The following ZNF75D variants were observed in gnomAD, a reference collection of about 807,000 sequenced individuals.
ZNF75D encodes zinc finger protein 75D.
In ZNF75D, 33 loss-of-function variants were observed where a neutral mutation model predicts 33.3. The ratio of observed to expected loss-of-function variants is 0.99; its 90% CI spans 0.75 to 1.32. The LOEUF is 1.32. Ranked by LOEUF, ZNF75D falls within the 40% of genes most tolerant of loss-of-function variation. The pLI, the probability that ZNF75D is intolerant of heterozygous loss-of-function variation, is 0.00. For synonymous variants in ZNF75D, 113 were observed against 130.6 expected (o/e 0.87, Z 0.92); for missense variants, 338 against 367.5 (o/e 0.92, Z 0.66).
intron 1 of ZNF75D, among the ~76,000 whole-genome samples, chrX:135,327,353 G>A (rs1556438428): frequency 8.9e-6 from 1 of 112,617 alleles, no homozygotes; most frequent in East Asian, 2.8e-4. Context: ...GTCTGGGAGA[G>A]AGGGTTAAGA....
intron 1 of ZNF75D, among the ~76,000 whole-genome samples, chrX:135,304,386 T>C (rs1556425363): frequency 1.8e-5 from 2 of 111,719 alleles, no homozygotes; most frequent in Non-Finnish European, 3.8e-5. Context: ...ATGGGAGACC[T>C]GGAGAGGAGG....
intron 1 of ZNF75D, among the ~76,000 whole-genome samples, chrX:135,324,699 A>G (rs1355626042): frequency 8.9e-6 from 1 of 112,518 alleles, no homozygotes; most frequent in East Asian, 2.8e-4. Flanking sequence ...GAGCACCATT[A>G]GTATCACCGG....
At chrX:135,279,230 T>C (rs2083910999) in intron 1 of ZNF75D, among the ~76,000 whole-genome samples, 1 of 111,418 alleles carries the variant, frequency 9.0e-6, no homozygotes, top group Non-Finnish European at 1.9e-5. Flanking sequence ...GGTGTATGTG[T>C]CCAGCAATTT....
chrX:135,306,084 C>A (rs1445433287), intron 1 of ZNF75D, among the ~76,000 whole-genome samples: 1 of 111,135 alleles, frequency 9.0e-6, no homozygotes, highest in Non-Finnish European at 1.9e-5. Flanking sequence ...AGATTCGCAT[C>A]ATTTCTGTGA....
In ZNF75D at chrX:135,292,492, C is replaced by G; in HGVS notation, c.412-19G>C. The stretch of plus-strand genomic sequence containing the variant: ...CTGTGACCTAGAAATAATCCCCATC[C>G]TCATTAGCACAGAACTTACTTTTGG... On this transcript the variant is annotated intron_variant, in intron 3 of 6. Coordinates refer to ENST00000370766, the MANE Select transcript of ZNF75D (RefSeq NM_007131.5). The G allele has an allele frequency of 8.3e-7, 1 of 1,200,245 alleles. No homozygotes were observed. The highest frequency in any genetic ancestry group is 1.1e-6 in the Non-Finnish European group (1 of 888,303).
At chrX:135,264,389 A>G (rs1191418231) in intron 1 of ZNF75D, among the ~76,000 whole-genome samples, 2 of 111,615 alleles carry the variant, frequency 1.8e-5, no homozygotes, top group Non-Finnish European at 3.8e-5. Flanking sequence ...ACAGAGCCAA[A>G]CCATAATAAA....
intron 1 of ZNF75D, chrX:135,330,616 G>A (rs1451658306): frequency 1.8e-5 from 2 of 112,357 alleles, no homozygotes; most frequent in East Asian, 5.5e-4. Flanking sequence ...GCAATGCCAG[G>A]GTGGAGCTGG....
At chrX:135,337,970 G>T (rs2084736049) in intron 1 of ZNF75D, among the ~76,000 whole-genome samples, 1 of 110,510 alleles carries the variant, frequency 9.0e-6, no homozygotes, top group African/African-American at 3.3e-5. Flanking sequence ...AGGATTTTGG[G>T]GGTTGAGAAG....
chrX:135,318,486 T>C (rs1366052463), intron 1 of ZNF75D, among the ~76,000 whole-genome samples: 2 of 111,642 alleles, frequency 1.8e-5, no homozygotes, highest in East Asian at 2.8e-4. Context: ...AGAACAAGTT[T>C]GGTGTATTTC....
intron 1 of ZNF75D, among the ~76,000 whole-genome samples, chrX:135,311,534 A>G (rs1459330881): frequency 9.0e-6 from 1 of 111,310 alleles, no homozygotes; most frequent in African/African-American, 3.4e-5. Flanking sequence ...TATGCTTATC[A>G]TTTTTTTGTG....
intron 1 of ZNF75D, among the ~76,000 whole-genome samples, chrX:135,256,482 A>C (rs1203637090): frequency 8.9e-6 from 1 of 112,052 alleles, no homozygotes; most frequent in East Asian, 2.8e-4. Context: ...CCATCAGTTG[A>C]AACTTGAGCT....
At position 135,293,989 on chromosome X, in the gene ZNF75D, T is replaced by G. The variant is rs2084086917; in HGVS notation, c.152A>C (p.His51Pro). ...ENLGPESACRHFWSFRYHEAT... is the reference protein window; with the variant it reads ...ENLGPESACRPFWSFRYHEAT... Reference sequence around the variant, plus strand: ...TTCATGATAACGGAAGCTCCAGAAGTGCCTGCAAGCGCTCTCAGGACCAAG... The same window carrying G: ...TTCATGATAACGGAAGCTCCAGAAGGGCCTGCAAGCGCTCTCAGGACCAAG... The change falls in exon 3 of 7, where the codon CAC becomes CCC. Residue 51 changes from histidine to proline, a missense_variant. Around this residue, in one of 3 missense-constraint regions of ZNF75D, gnomAD observed 254 missense variants for 267.7 expected, o/e 0.95. Transcript: ENST00000370766. The G allele has an allele frequency of 8.2e-7, 1 of 1,212,173 alleles. No individual in the cohort carries two copies. The highest frequency in any genetic ancestry group is 1.1e-6 in the Non-Finnish European group (1 of 895,570).
intron 6 of ZNF75D, 140 bp from the exon 7 acceptor site, chrX:135,287,986 T>C: frequency 2.0e-6 from 1 of 499,675 alleles, no homozygotes; most frequent in Non-Finnish European, 3.2e-6. Context: ...CAAAATGGCA[T>C]AGACCCATTT....
intron 1 of ZNF75D, among the ~76,000 whole-genome samples, chrX:135,339,945 GCAC>G: frequency 8.9e-6 from 1 of 112,541 alleles, no homozygotes; most frequent in East Asian, 2.8e-4. Flanking sequence ...ACAACTTTGG[GCAC>G]CACAGTACTT....
intron 1 of ZNF75D, among the ~76,000 whole-genome samples, chrX:135,307,300 G>A (rs960313278): frequency 1.8e-5 from 2 of 111,495 alleles, no homozygotes; most frequent in Non-Finnish European, 1.9e-5. Flanking sequence ...GAAAGGGAGT[G>A]TGTGACCTGG....
chrX:135,277,882 T>G lies in ZNF75D; in HGVS notation n.828-22105A>C, dbSNP rs1480327362. On this transcript the variant is annotated intron_variant and non_coding_transcript_variant, in intron 1 of 3. Coordinates refer to the ZNF75D transcript ENST00000494295. ...TGGTACCAGTACCATGCTGTTTTGG[T>G]TACTGTAGCCTTGTAGTATAGTTTG... Among the ~76,000 whole-genome samples the G allele has an allele frequency of 4.4e-5, 5 of 112,494 alleles. No homozygotes were observed. In the Admixed American group the frequency reaches 4.7e-4, roughly 11 times the overall value.
At chrX:135,307,650 C>G (rs1556426075) in intron 1 of ZNF75D, among the ~76,000 whole-genome samples, 1 of 112,062 alleles carries the variant, frequency 8.9e-6, no homozygotes, top group African/African-American at 3.3e-5. Context: ...TAAAAGCCCA[C>G]CTGCATCCCA....
chrX:135,316,437 T>G (rs782299578), intron 1 of ZNF75D, among the ~76,000 whole-genome samples: 2 of 111,927 alleles, frequency 1.8e-5, no homozygotes, highest in South Asian at 7.5e-4. Context: ...GAATTATTTG[T>G]CATTGACTTT....
In ZNF75D at chrX:135,293,977, A is replaced by C; in HGVS notation, c.164T>G (p.Phe55Cys). ...CGGTCCGGTTGCTTCATGATAACGG[A>C]AGCTCCAGAAGTGCCTGCAAGCGCT... ...PESACRHFWSFRYHEATGPLE... is the reference protein window; with the variant it reads ...PESACRHFWSCRYHEATGPLE... The change falls in exon 3 of 7, where the codon TTC becomes TGC. Residue 55 changes from phenylalanine to cysteine, a missense_variant. By Grantham distance (205) the Phe-to-Cys change is radical. Around this residue, in one of 3 missense-constraint regions of ZNF75D, gnomAD observed 254 missense variants for 267.7 expected, o/e 0.95. Coordinates refer to ENST00000370766, the MANE Select transcript of ZNF75D (RefSeq NM_007131.5). 1 of 1,211,764 alleles carries C rather than the reference A, an allele frequency of 8.3e-7. No individual in the cohort carries two copies. The highest frequency in any genetic ancestry group is 1.1e-6 in the Non-Finnish European group (1 of 895,447).
Sources: allele counts gnomAD v4.1 joint callset (sites outside exome capture counted in the v4.1 genomes callset), GRCh38; gene constraint gnomAD v4.1.1; regional missense constraint gnomAD v4.1.1; transcripts MANE v1.5; gene names NCBI Gene and HGNC (gene_info 2026-07-23, HGNC 2026-07-21).